Variants in SNX31 observed in about 807,000 individuals in gnomAD.
SNX31 encodes sorting nexin 31.
SNX31 carries 58 observed loss-of-function variants against 65.4 expected under a neutral mutation model. That is an observed-to-expected ratio of 0.89 (90% CI 0.72 to 1.10). The LOEUF (loss-of-function observed/expected upper bound fraction) is 1.10. Ranked by LOEUF, SNX31 falls within the 50% of genes least tolerant of loss-of-function variation. SNX31 has a pLI of 0.00. For missense variants in SNX31, 523 were observed against 529.7 expected, an observed-to-expected ratio of 0.99 and a Z score of 0.12; for synonymous variants, 181 against 190.1, an observed-to-expected ratio of 0.95 and a Z score of 0.39.
rs1251776179 is a variant in SNX31 at position 100,622,169 on chromosome 8, T to C, written c.322-4439A>G. Among the ~76,000 whole-genome samples the C allele has an allele frequency of 2.6e-5, 4 of 152,224 alleles. No individual in the cohort carries two copies. The highest frequency in any genetic ancestry group is 2.1e-4 in the South Asian group (1 of 4,838). ...TTGTAGAATGTTGTTGGCTTTTTTT[T>C]CACGCTTAATTAGTTTAAAGCCAGG... On this transcript the variant is annotated intron_variant, in intron 4 of 13. Coordinates refer to ENST00000311812, the MANE Select transcript of SNX31 (RefSeq NM_152628.4). This position sits in a 1 kb window ranked among gnomAD's most constrained non-coding sequence, Gnocchi z 5.0.
intron 11 of SNX31, among the ~76,000 whole-genome samples, chr8:100,586,407 C>G (rs904118663): frequency 5.3e-5 from 8 of 152,174 alleles, no homozygotes; most frequent in Non-Finnish European, 1.2e-4. Context: ...ATCAATAAAA[C>G]TCACACTCCA....
At chr8:100,590,784 AAACAAC>A (rs56687985) in intron 10 of SNX31, among the ~76,000 whole-genome samples, 7 of 151,740 alleles carry the variant, frequency 4.6e-5, no homozygotes, top group African/African-American at 9.7e-5. Flanking sequence ...TCCATCTCGA[AAACAAC>A]AACAACAACA....
intron 8 of SNX31, among the ~76,000 whole-genome samples, chr8:100,607,370 C>T (rs1563541771): frequency 6.6e-6 from 1 of 152,202 alleles, no homozygotes; most frequent in Non-Finnish European, 1.5e-5. Flanking sequence ...GCAGCACCGG[C>T]TGACCATTCC....
At position 100,608,464 on chromosome 8, in the gene SNX31, G is replaced by A. The variant is rs762569535; in HGVS notation, c.681+30C>T. 40 of 1,608,470 alleles carry A rather than the reference G, an allele frequency of 2.5e-5. No homozygotes were observed. In the East Asian group the frequency reaches 5.8e-4, roughly 23 times the overall value. ...CAAGCCAACATGGCCTATGATCTAC[G>A]GTGCTGTCTGAGCTCTTGGTGACCC... is the stretch of plus-strand genomic sequence containing the variant. On this transcript the variant is annotated intron_variant, in intron 8 of 13. Coordinates refer to ENST00000311812, the MANE Select transcript of SNX31 (RefSeq NM_152628.4).
In SNX31 at chr8:100,575,088, G is replaced by T. The variant is rs561143492; in HGVS notation, c.1228-1128C>A. On this transcript the variant is annotated intron_variant, in intron 13 of 13. Coordinates refer to ENST00000311812, the MANE Select transcript of SNX31 (RefSeq NM_152628.4). This position sits in a 1 kb window ranked among gnomAD's most constrained non-coding sequence, Gnocchi z 5.1. ...GAAAAAAAAAATGTGGAGCCCCTCA[G>T]TGGGCAGATGGGCTACAACTTTTTT... Among the ~76,000 whole-genome samples, 1 of 152,326 alleles carries T rather than the reference G, an allele frequency of 6.6e-6. No homozygotes were observed. The highest frequency in any genetic ancestry group is 2.4e-5 in the African/African-American group (1 of 41,568).
At chr8:100,579,167 C>G (rs1314250368) in intron 12 of SNX31, among the ~76,000 whole-genome samples, 3 of 152,150 alleles carry the variant, frequency 2.0e-5, no homozygotes, top group Non-Finnish European at 2.9e-5. Flanking sequence ...AAATACAGAG[C>G]TTGGAGGAAA....
chr8:100,630,827 G>A lies in SNX31; in HGVS notation c.257-436C>T, dbSNP rs922282809. On this transcript the variant is annotated intron_variant, in intron 3 of 13. Transcript: ENST00000311812. The surrounding 1 kb of genome is among the most constrained non-coding windows in gnomAD (Gnocchi z 5.3). ...CACCTCTTTGGAGTCTCGCCCAGTCGCCCAGGCTGGAGTGTAGTGGCGTGA... is the reference window on the plus strand; with the variant it reads ...CACCTCTTTGGAGTCTCGCCCAGTCACCCAGGCTGGAGTGTAGTGGCGTGA... Among the ~76,000 whole-genome samples the A allele has an allele frequency of 2.0e-5, 3 of 152,118 alleles. No individual in the cohort carries two copies. Among genetic ancestry groups the A allele is most frequent in the South Asian group, 2.1e-4 (1 of 4,828 alleles).
chr8:100,651,009 C>T (rs556145199), upstream of SNX31, among the ~76,000 whole-genome samples: 3 of 152,242 alleles, frequency 2.0e-5, no homozygotes, highest in East Asian at 5.8e-4. Context: ...TACGCCACCA[C>T]ACCCGGCTAA....
intron 13 of SNX31, among the ~76,000 whole-genome samples, chr8:100,574,249 C>T (rs897353320): frequency 1.3e-5 from 2 of 152,170 alleles, no homozygotes; most frequent in Non-Finnish European, 2.9e-5. Context: ...ACCTGTCTTG[C>T]CTCTTTCCCC....
chr8:100,655,457 C>A (rs996681978), intron 1 of SNX31, among the ~76,000 whole-genome samples: 2 of 152,108 alleles, frequency 1.3e-5, no homozygotes, highest in Non-Finnish European at 2.9e-5. Context: ...CAGTTTCCCC[C>A]ATACTGTTCT....
intron 1 of SNX31, among the ~76,000 whole-genome samples, chr8:100,662,673 G>A (rs1227918081): frequency 6.6e-6 from 1 of 152,150 alleles, no homozygotes; most frequent in South Asian, 2.1e-4. Flanking sequence ...CTCCAGCCTA[G>A]GCCACAGAGC....
chr8:100,616,392 C>T (rs926359925), intron 5 of SNX31, among the ~76,000 whole-genome samples: 1 of 152,210 alleles, frequency 6.6e-6, no homozygotes, highest in African/African-American at 2.4e-5. Flanking sequence ...TACCCCAGAG[C>T]TACCTGCCTG....
At chr8:100,661,645 C>T (rs908267686) in intron 1 of SNX31, among the ~76,000 whole-genome samples, 1 of 149,998 alleles carries the variant, frequency 6.7e-6, no homozygotes, top group Admixed American at 6.6e-5. Flanking sequence ...CCTCTCACCT[C>T]GGCCTCCCAA....
chr8:100,644,738 C>G (rs556575080), intron 2 of SNX31, among the ~76,000 whole-genome samples: 49 of 152,372 alleles, frequency 3.2e-4, no homozygotes, highest in African/African-American at 1.2e-3. Flanking sequence ...GATCTCAGCT[C>G]ACTGCAATCT....
chr8:100,617,907 G>A (rs186642326), intron 4 of SNX31, among the ~76,000 whole-genome samples, 177 bp from the exon 5 acceptor site: 127 of 151,958 alleles, frequency 8.4e-4, no homozygotes, highest in African/African-American at 2.9e-3. Flanking sequence ...TGGGATTACA[G>A]GCACCCACCA....
At chr8:100,617,569 C>G (rs1586967528) in intron 5 of SNX31, 51 bp downstream of exon 5, 1 of 1,313,270 alleles carries the variant, frequency 7.6e-7, no homozygotes, top group Non-Finnish European at 1.1e-6. Context: ...GCTTTCCAAA[C>G]AGAACCATCC....
In SNX31 at chr8:100,578,462, A is replaced by C. The variant is rs969163739; in HGVS notation, c.1171-1387T>G. Among the ~76,000 whole-genome samples the C allele has an allele frequency of 3.3e-5, 5 of 152,216 alleles. No individual in the cohort carries two copies. Among genetic ancestry groups the C allele is most frequent in the Admixed American group, 1.3e-4 (2 of 15,276 alleles). ...GGCATTCATAAATGACAGAATAAAC[A>C]AGTGACTTAATTGTTTATTATTGCT... On this transcript the variant is annotated intron_variant, in intron 12 of 13. Transcript: ENST00000311812. The surrounding 1 kb of genome is among the most constrained non-coding windows in gnomAD (Gnocchi z 4.7).
chr8:100,653,062 C>T (rs1395041196), upstream of SNX31, among the ~76,000 whole-genome samples: 6 of 152,130 alleles, frequency 3.9e-5, no homozygotes, highest in Non-Finnish European at 8.8e-5. Context: ...GTTAAGTCTT[C>T]GCATCCTGTG....
intron 4 of SNX31, chr8:100,618,272 A>G: frequency 6.7e-7 from 1 of 1,489,356 alleles, no homozygotes; most frequent in Non-Finnish European, 9.0e-7. Flanking sequence ...GAGTATCTAT[A>G]TTGGAGAAAA....
Sources: gnomAD v4.1 joint callset for allele counts (sites outside exome capture counted in the v4.1 genomes callset) on GRCh38, gnomAD v4.1.1 for gene constraint, Gnocchi (gnomAD v3.1) non-coding constraint, MANE v1.5 for transcripts, NCBI Gene and HGNC (gene_info 2026-07-23, HGNC 2026-07-21) for gene names.